Variants in MCC observed in about 807,000 individuals in gnomAD.
MCC encodes MCC regulator of Wnt signaling pathway.
MCC carries 90 observed loss-of-function variants against 116.2 expected under a neutral mutation model. That is an observed-to-expected ratio of 0.77 (90% CI 0.65 to 0.92). The LOEUF (loss-of-function observed/expected upper bound fraction) is 0.92. MCC is among the 40% of genes least tolerant of loss of function. MCC has a pLI of 0.00. For synonymous variants in MCC, 578 were observed against 510.5 expected (o/e 1.13, Z -1.78); for missense variants, 1,516 against 1,312.2 (o/e 1.16, Z -2.40).
chr5:113,265,173 G>A (rs937113143), intron 3 of MCC, among the ~76,000 whole-genome samples: 1 of 152,166 alleles, frequency 6.6e-6, no homozygotes, highest in Non-Finnish European at 1.5e-5. Flanking sequence ...TATTTACTAA[G>A]TAGCCCTTAA....
chr5:113,117,516 G>A (rs893098186), intron 6 of MCC, among the ~76,000 whole-genome samples: 1 of 152,184 alleles, frequency 6.6e-6, no homozygotes, highest in African/African-American at 2.4e-5. Flanking sequence ...TCAACCTTGA[G>A]GGTATAATAG....
At chr5:113,471,939 C>T (rs573699656) in intron 1 of MCC, among the ~76,000 whole-genome samples, 4 of 152,174 alleles carry the variant, frequency 2.6e-5, no homozygotes, top group South Asian at 4.2e-4. Flanking sequence ...AGTGAGACTC[C>T]GTGGGCGTGG....
chr5:113,487,087 T>C (rs1308090365), intron 1 of MCC, among the ~76,000 whole-genome samples: 1 of 152,150 alleles, frequency 6.6e-6, no homozygotes, highest in Non-Finnish European at 1.5e-5. Flanking sequence ...TGTTTCTCAG[T>C]AAAACTTTAG....
At chr5:113,328,480 T>C (rs956416810) in intron 3 of MCC, among the ~76,000 whole-genome samples, 2 of 152,178 alleles carry the variant, frequency 1.3e-5, no homozygotes, top group African/African-American at 2.4e-5. Flanking sequence ...CCTCTCTTAC[T>C]ACTAATGGTT....
chr5:113,374,728 A>G (rs1285815689), intron 2 of MCC, among the ~76,000 whole-genome samples: 1 of 152,116 alleles, frequency 6.6e-6, no homozygotes, highest in Non-Finnish European at 1.5e-5. Flanking sequence ...ACAATGGCTC[A>G]GCTGTAAATC....
intron 3 of MCC, among the ~76,000 whole-genome samples, chr5:113,286,902 T>C (rs1470987546): frequency 6.6e-6 from 1 of 152,244 alleles, no homozygotes; most frequent in Non-Finnish European, 1.5e-5. Flanking sequence ...TGGCTGTTTC[T>C]AGTCAACAAG....
chr5:113,440,572 A>G (rs1771006484), intron 1 of MCC, among the ~76,000 whole-genome samples: 1 of 150,192 alleles, frequency 6.7e-6, no homozygotes, highest in South Asian at 2.1e-4. Flanking sequence ...AAAAAATAAG[A>G]AAGTAAAGAA....
chr5:113,166,718 A>C (rs1186194116), intron 3 of MCC, among the ~76,000 whole-genome samples: 6 of 148,576 alleles, frequency 4.0e-5, no homozygotes, highest in South Asian at 2.2e-4. Flanking sequence ...AAAAAAAAAA[A>C]AAAACAACCA....
rs1226086355 is a variant in MCC at position 113,434,122 on chromosome 5, G to A, written c.171-48910C>T. ...AGGTCCTTGCACTCGCCTGTCAGGT[G>A]CTTGGAGCGTGGGAAGTTGACGCGG... On this transcript the variant is annotated intron_variant, in intron 1 of 18. Transcript: ENST00000408903. This position sits in a 1 kb window ranked among gnomAD's most constrained non-coding sequence, Gnocchi z 4.2. The A allele has an allele frequency of 6.2e-6, 10 of 1,614,218 alleles. No homozygotes were observed. Among genetic ancestry groups the A allele is most frequent in the East Asian group, 2.2e-5 (1 of 44,882 alleles).
intron 1 of MCC, among the ~76,000 whole-genome samples, chr5:113,463,185 G>A (rs1018628446): frequency 2.3e-4 from 35 of 152,174 alleles, no homozygotes; most frequent in Non-Finnish European, 1.5e-4. Context: ...AGAGAGCCTA[G>A]AGGAGAGAGG....
intron 3 of MCC, among the ~76,000 whole-genome samples, chr5:113,202,096 C>T (rs1344011622): frequency 2.0e-5 from 3 of 152,144 alleles, no homozygotes; most frequent in Non-Finnish European, 4.4e-5. Context: ...ACCCCAGCCT[C>T]CATTACAAAT....
chr5:113,158,291 G>A (rs1760287409), intron 3 of MCC, among the ~76,000 whole-genome samples: 1 of 152,212 alleles, frequency 6.6e-6, no homozygotes, highest in African/African-American at 2.4e-5. Context: ...ATGTTTTAGT[G>A]ATGACAATGG....
chr5:113,039,722 C>CA (rs1278340720), intron 17 of MCC, among the ~76,000 whole-genome samples: 2 of 127,158 alleles, frequency 1.6e-5, no homozygotes, highest in Non-Finnish European at 3.5e-5. Flanking sequence ...CCCCCCCCCC[C>CA]AACCCACCCC....
chr5:113,237,662 T>C (rs1202729268), intron 3 of MCC, among the ~76,000 whole-genome samples: 1 of 152,132 alleles, frequency 6.6e-6, no homozygotes, highest in Non-Finnish European at 1.5e-5. Context: ...AGCACACACA[T>C]GGGCTACAAG....
intron 3 of MCC, among the ~76,000 whole-genome samples, chr5:113,233,039 T>A (rs949657329): frequency 2.6e-5 from 4 of 152,102 alleles, no homozygotes; most frequent in African/African-American, 9.7e-5. Context: ...GAAATACCTG[T>A]AAAGCACTTA....
chr5:113,245,271 A>G (rs1345599274), intron 3 of MCC, among the ~76,000 whole-genome samples: 1 of 150,336 alleles, frequency 6.7e-6, no homozygotes, highest in Admixed American at 6.6e-5. Flanking sequence ...CAGCCTAGGC[A>G]ACGAGAGAAA....
chr5:113,418,886 C>T (rs1421166575), intron 1 of MCC, among the ~76,000 whole-genome samples: 2 of 152,126 alleles, frequency 1.3e-5, no homozygotes, highest in Non-Finnish European at 2.9e-5. Flanking sequence ...CAAGCAGCAC[C>T]GCATCACAGA....
chr5:113,314,172 G>A (rs1451689284), intron 3 of MCC, among the ~76,000 whole-genome samples: 1 of 152,044 alleles, frequency 6.6e-6, no homozygotes, highest in Non-Finnish European at 1.5e-5. Flanking sequence ...TCCCAGGGAG[G>A]CCTGTATAAA....
chr5:113,126,982 A>G (rs930548886), intron 5 of MCC, among the ~76,000 whole-genome samples: 3 of 152,122 alleles, frequency 2.0e-5, no homozygotes, highest in African/African-American at 4.8e-5. Flanking sequence ...ACCCAGCCCA[A>G]TACCCAATGG....
Sources: allele counts gnomAD v4.1 joint callset (sites outside exome capture counted in the v4.1 genomes callset), GRCh38; gene constraint gnomAD v4.1.1; non-coding constraint Gnocchi (gnomAD v3.1); transcripts MANE v1.5; gene names NCBI Gene and HGNC (gene_info 2026-07-23, HGNC 2026-07-21).